Variants in EDAR observed in about 807,000 individuals in gnomAD.
EDAR encodes the protein ectodysplasin A receptor.
Under a neutral mutation model 51.3 loss-of-function variants are expected in EDAR, and 38 were observed. The observed-to-expected ratio is 0.74, with a 90% confidence interval of 0.57 to 0.97. The LOEUF (loss-of-function observed/expected upper bound fraction) is 0.97, where lower values mean the gene tolerates loss of function less well. EDAR is among the 50% of genes least tolerant of loss of function. EDAR has a pLI of 0.00. For missense variants in EDAR, 528 were observed against 595.0 expected (o/e 0.89, Z 1.17); for synonymous variants, 227 against 242.1 (o/e 0.94, Z 0.58).
intron 1 of EDAR, among the ~76,000 whole-genome samples, chr2:108,937,023 G>C (rs1415844596): frequency 6.6e-6 from 1 of 152,226 alleles, no homozygotes; most frequent in African/African-American, 2.4e-5. Flanking sequence ...CCACAGTGCT[G>C]TGCCGGGGAA....
intron 1 of EDAR, among the ~76,000 whole-genome samples, chr2:108,955,164 T>C (rs189534979): frequency 2.8e-4 from 42 of 152,288 alleles, no homozygotes; most frequent in Non-Finnish European, 4.4e-4. Context: ...TATGCAACTT[T>C]GGGCAAGTAA....
At chr2:108,902,817 A>AT (rs1332316478) in intron 11 of EDAR, among the ~76,000 whole-genome samples, 1 of 152,222 alleles carries the variant, frequency 6.6e-6, no homozygotes, top group Non-Finnish European at 1.5e-5. Context: ...GAAAAATGGA[A>AT]TGCTTTTAAG....
Position 108,929,261 on chromosome 2 carries a change from C to T in EDAR, c.293G>A (p.Arg98Gln), listed in dbSNP as rs144473052. 37 of 1,614,022 alleles carry T rather than the reference C, an allele frequency of 2.3e-5. No individual in the cohort carries two copies. The highest frequency in any genetic ancestry group is 4.0e-5 in the African/African-American group (3 of 74,922). ...GTCCCCTGGTGTCAGCACGGTGGCC[C>T]GGAAGAAGCCCTCACAGTCTTTGTG... ...RRHKDCEGFFRATVLTPGDME... is the reference protein window; with the variant it reads ...RRHKDCEGFFQATVLTPGDME... Residue 98 changes from arginine to glutamine, a missense_variant, in exon 4 of 12, where the codon CGG (arginine) becomes CAG (glutamine). By Grantham distance (43) the Arg-to-Gln change is conservative (BLOSUM62 1). Transcript: ENST00000258443.
At chr2:108,926,861 C>T (rs1045847456) in intron 4 of EDAR, among the ~76,000 whole-genome samples, 3 of 152,196 alleles carry the variant, frequency 2.0e-5, no homozygotes, top group African/African-American at 4.8e-5. Context: ...CAGGAATGAA[C>T]GCAGCCTTTC....
chr2:108,914,759 A>G (rs558872975), intron 5 of EDAR, among the ~76,000 whole-genome samples: 3 of 152,362 alleles, frequency 2.0e-5, no homozygotes, highest in African/African-American at 7.2e-5. Flanking sequence ...CTTGGTCTAC[A>G]GAAAAGCAGC....
At chr2:108,980,907 C>T (rs1471105328) in intron 1 of EDAR, among the ~76,000 whole-genome samples, 1 of 152,112 alleles carries the variant, frequency 6.6e-6, no homozygotes, top group Admixed American at 6.6e-5. Context: ...GCAGGGTCCT[C>T]ATGGTGTTTT....
rs548871647 is a variant in EDAR at position 108,898,833 on chromosome 2, A to T, written c.1025-1604T>A. Among the ~76,000 whole-genome samples, 9 of 152,358 alleles carry T rather than the reference A, an allele frequency of 5.9e-5. No homozygotes were observed. In the East Asian group the frequency reaches 1.7e-3, roughly 29 times the overall value. ...TGTGCTCAATGACAGAGTAAGACAGAGGAAAGAATCAGTGAGATGGATAAT... is the reference window on the plus strand; with the variant it reads ...TGTGCTCAATGACAGAGTAAGACAGTGGAAAGAATCAGTGAGATGGATAAT... On this transcript the variant is annotated intron_variant, in intron 11 of 11. Transcript: ENST00000258443.
At chr2:108,905,634 C>A (rs1315299560) in intron 11 of EDAR, among the ~76,000 whole-genome samples, 2 of 152,040 alleles carry the variant, frequency 1.3e-5, no homozygotes, top group African/African-American at 4.8e-5. Flanking sequence ...CGGAGGGAGG[C>A]CAGCGAGTCC....
At chr2:108,934,457 C>T (rs187701224) in intron 1 of EDAR, among the ~76,000 whole-genome samples, 1 of 152,298 alleles carries the variant, frequency 6.6e-6, no homozygotes, top group East Asian at 1.9e-4. Context: ...GCTCCAGCCT[C>T]GTGCACACTG....
intron 5 of EDAR, among the ~76,000 whole-genome samples, chr2:108,916,710 G>T (rs1028710100): frequency 6.6e-6 from 1 of 152,128 alleles, no homozygotes; most frequent in African/African-American, 2.4e-5. Flanking sequence ...CAGCCGAGGA[G>T]GTGGGGGCAA....
chr2:108,973,504 C>G (rs1446840157), intron 1 of EDAR, among the ~76,000 whole-genome samples: 1 of 152,188 alleles, frequency 6.6e-6, no homozygotes, highest in African/African-American at 2.4e-5. Context: ...ATGCCAAGGG[C>G]CTGAACCCTG....
chr2:108,965,598 C>T (rs1698137647), intron 1 of EDAR, among the ~76,000 whole-genome samples: 1 of 152,114 alleles, frequency 6.6e-6, no homozygotes, highest in Non-Finnish European at 1.5e-5. Context: ...CTGGGCTCTA[C>T]TGGCTTTGGG....
chr2:108,960,252 C>T lies in EDAR; in HGVS notation c.-19+28708G>A, dbSNP rs142579240. ...TCCACAAGAGCCTCAAACTGAGGAT[C>T]CCCCAAGGTTTTAACTCTGTTTTTA... On this transcript the variant is annotated intron_variant, in intron 1 of 11. Coordinates refer to ENST00000258443, the MANE Select transcript of EDAR (RefSeq NM_022336.4). 2.3e-3 allele frequency among the ~76,000 whole-genome samples: 354 copies of T among 152,288 alleles called. 2 individuals carry two copies. Among genetic ancestry groups the T allele is most frequent in the African/African-American group, 8.1e-3 (337 of 41,564 alleles).
At chr2:108,988,666 G>C (rs1000602677) in intron 1 of EDAR, among the ~76,000 whole-genome samples, 8 of 152,184 alleles carry the variant, frequency 5.3e-5, no homozygotes, top group African/African-American at 1.9e-4. Context: ...GGAACCCGTT[G>C]CTTCAGTAGC....
chr2:108,911,530 A>G (rs574026688), intron 6 of EDAR, among the ~76,000 whole-genome samples: 1 of 152,130 alleles, frequency 6.6e-6, no homozygotes, highest in Non-Finnish European at 1.5e-5. Flanking sequence ...TTTCAACCTA[A>G]GTGTCATTGT....
At chr2:108,958,801 T>C (rs747110118) in intron 1 of EDAR, among the ~76,000 whole-genome samples, 1 of 117,534 alleles carries the variant, frequency 8.5e-6, no homozygotes, top group Non-Finnish European at 1.6e-5. Context: ...ATGAATTCTG[T>C]TGAATGTTAC....
rs768323596 is a variant in EDAR, at chr2:108,910,822, G to A, written c.684C>T (p.Ser228=). The A allele has an allele frequency of 4.5e-5, 72 of 1,613,868 alleles. No individual in the cohort carries two copies. In the Middle Eastern group the frequency reaches 8.3e-4, roughly 19 times the overall value. Residue 228 remains serine, a synonymous_variant, in exon 8 of 12, where the codon AGC becomes AGT. Transcript: ENST00000258443. ...PACCTSHPGK[S]VEAQVSKDEE... ...CGTCCTTGCTCACTTGGGCCTCCAC[G>A]CTCTTCCCCGGGTGGCTGGTGCAAC...
At chr2:108,905,887 C>T (rs1391207588) in intron 11 of EDAR, among the ~76,000 whole-genome samples, 1 of 152,142 alleles carries the variant, frequency 6.6e-6, no homozygotes, top group African/African-American at 2.4e-5. Flanking sequence ...CCAGGGCTAT[C>T]AGACATCGGG....
chr2:108,916,964 C>A (rs74614658), intron 5 of EDAR, among the ~76,000 whole-genome samples: 3,209 of 152,252 alleles, frequency 0.021, 120 homozygotes, highest in African/African-American at 0.073. Context: ...CACAGGCCAC[C>A]CAGGCCACCA....
Sources: gnomAD v4.1 joint callset for allele counts (sites outside exome capture counted in the v4.1 genomes callset) on GRCh38, gnomAD v4.1.1 for gene constraint, MANE v1.5 for transcripts, NCBI Gene and HGNC (gene_info 2026-07-23, HGNC 2026-07-21) for gene names.